The following IL5RA variants were observed in gnomAD, a reference collection of about 807,000 sequenced individuals.
The protein encoded by IL5RA is interleukin-5 receptor subunit alpha.
Under a neutral mutation model 50.0 loss-of-function variants are expected in IL5RA, and 49 were observed. The ratio of observed to expected loss-of-function variants is 0.98; its 90% CI spans 0.78 to 1.24. The LOEUF (loss-of-function observed/expected upper bound fraction) is 1.24, where lower values mean the gene tolerates loss of function less well. Among genes scored for constraint, IL5RA ranks in the 50% most tolerant of loss-of-function variants. The pLI is 0.00. For missense variants in IL5RA, 600 were observed against 500.4 expected (o/e 1.20, Z -1.90); for synonymous variants, 202 against 174.0 (o/e 1.16, Z -1.26).
At chr3:3,086,087 C>T (rs575779074) in intron 9 of IL5RA, among the ~76,000 whole-genome samples, 12 of 152,240 alleles carry the variant, frequency 7.9e-5, no homozygotes, top group African/African-American at 2.4e-4. Flanking sequence ...AAGCAAAACT[C>T]CATCGTTTCT....
intron 3 of IL5RA, among the ~76,000 whole-genome samples, chr3:3,103,604 G>A (rs1337740133): frequency 2.0e-5 from 3 of 152,070 alleles, no homozygotes; most frequent in South Asian, 2.1e-4. Flanking sequence ...GAAAGAAAAG[G>A]TTTCTTCCCC....
chr3:3,078,390 A>C (rs1420024719), intron 9 of IL5RA, among the ~76,000 whole-genome samples: 4 of 151,968 alleles, frequency 2.6e-5, no homozygotes. Context: ...TTTATCTTCT[A>C]CCTCCCGAAA....
intron 2 of IL5RA, among the ~76,000 whole-genome samples, chr3:3,107,599 C>A (rs1400716133): frequency 6.6e-6 from 1 of 151,008 alleles, no homozygotes; most frequent in East Asian, 2.0e-4. Flanking sequence ...AAATAAGATG[C>A]AAACTAAGCA....
intron 9 of IL5RA, among the ~76,000 whole-genome samples, chr3:3,091,315 G>C (rs1194682587): frequency 1.3e-5 from 2 of 152,220 alleles, no homozygotes; most frequent in African/African-American, 4.8e-5. Context: ...AGGAGAGAGA[G>C]ATGGGTGTAT....
At chr3:3,076,355 T>G (rs1035323951) in intron 10 of IL5RA, among the ~76,000 whole-genome samples, 176 bp downstream of exon 10, 2 of 152,198 alleles carry the variant, frequency 1.3e-5, no homozygotes, top group African/African-American at 4.8e-5. Flanking sequence ...AAATCACCTC[T>G]GGACATTTCC....
rs1257843499 is a variant in IL5RA, at chr3:3,066,933, G to A, written c.*3292C>T. The A allele has an allele frequency of 1.3e-5, 2 of 152,328 alleles. No individual in the cohort carries two copies. Among genetic ancestry groups the A allele is most frequent in the African/African-American group, 2.4e-5 (1 of 41,568 alleles). 9.4% of individuals were successfully genotyped at this position (152,328 alleles called of 1,614,324 possible). ...TGGAACGGATATCTTGGAAAAGCATGTTTGTTCTGATCCCGTGGCTGTGGA... is the reference window on the plus strand; with the variant it reads ...TGGAACGGATATCTTGGAAAAGCATATTTGTTCTGATCCCGTGGCTGTGGA... On this transcript the variant is annotated 3_prime_UTR_variant, in exon 12 of 12. Transcript: ENST00000446632.
At chr3:3,102,384 G>A (rs1392886623) in intron 4 of IL5RA, among the ~76,000 whole-genome samples, 2 of 152,128 alleles carry the variant, frequency 1.3e-5, no homozygotes, top group African/African-American at 4.8e-5. Context: ...AATTTTATGG[G>A]AAACAGAAAA....
chr3:3,080,884 T>C (rs918084802), intron 9 of IL5RA, among the ~76,000 whole-genome samples: 3 of 152,156 alleles, frequency 2.0e-5, no homozygotes, highest in Non-Finnish European at 4.4e-5. Context: ...TTTGTAGAGA[T>C]GGGGCCTCAG....
intron 11 of IL5RA, among the ~76,000 whole-genome samples, chr3:3,072,743 C>G (rs1390733253): frequency 1.3e-5 from 2 of 152,198 alleles, no homozygotes; most frequent in Admixed American, 6.5e-5. Flanking sequence ...GTAACCCTGT[C>G]TCTACTAAAA....
chr3:3,098,403 ATCT>A, intron 5 of IL5RA, 113 bp from the exon 6 acceptor site: 1 of 902,260 alleles, frequency 1.1e-6, no homozygotes. Context: ...AAAAATAATC[ATCT>A]TCACATTTTT....
Position 3,068,326 on chromosome 3 carries a change from C to T in IL5RA, c.*1899G>A, listed in dbSNP as rs1356713261. ...GTGGTTCATGCCTGTAATCCCAGTA[C>T]TTTGGAAGGCTGAGGCCGGTGTATC... is the stretch of plus-strand genomic sequence containing the variant. On this transcript the variant is annotated 3_prime_UTR_variant, in exon 12 of 12. Coordinates refer to ENST00000446632, the MANE Select transcript of IL5RA (RefSeq NM_175726.4). 6.6e-6 allele frequency: 1 copy of T among 152,138 alleles called. No homozygotes were observed. The highest frequency in any genetic ancestry group is 1.5e-5 in the Non-Finnish European group (1 of 68,138). The allele number at this position is 152,138 out of a possible 1,614,324, so 9.4% of individuals were successfully genotyped here.
intron 2 of IL5RA, among the ~76,000 whole-genome samples, chr3:3,105,202 T>C (rs1703850734): frequency 1.3e-5 from 2 of 152,196 alleles, no homozygotes; most frequent in Admixed American, 6.5e-5. Context: ...TATAAATTGA[T>C]AAATGTAAAC....
At chr3:3,088,766 G>C (rs547713452) in intron 9 of IL5RA, among the ~76,000 whole-genome samples, 43 of 152,270 alleles carry the variant, frequency 2.8e-4, no homozygotes, top group Middle Eastern at 3.4e-3. Flanking sequence ...CTCCAAAATT[G>C]AATACATATA....
intron 11 of IL5RA, among the ~76,000 whole-genome samples, chr3:3,073,473 C>A (rs1340174646): frequency 6.6e-6 from 1 of 152,222 alleles, no homozygotes; most frequent in Non-Finnish European, 1.5e-5. Flanking sequence ...TACTTTCACA[C>A]TACAATGGCA....
At chr3:3,107,114 T>G (rs1048001219) in intron 2 of IL5RA, among the ~76,000 whole-genome samples, 5 of 152,172 alleles carry the variant, frequency 3.3e-5, no homozygotes, top group African/African-American at 1.2e-4. Context: ...GATTATTAGT[T>G]TTTGGCCATA....
chr3:3,075,939 C>T (rs1026623841), intron 10 of IL5RA, among the ~76,000 whole-genome samples: 3 of 152,150 alleles, frequency 2.0e-5, no homozygotes, highest in African/African-American at 4.8e-5. Context: ...AGGGCCAAGA[C>T]AAAACATGTT....
intron 3 of IL5RA, 79 bp from the exon 4 acceptor site, chr3:3,102,899 A>G: frequency 3.3e-6 from 4 of 1,223,580 alleles, no homozygotes; most frequent in Non-Finnish European, 4.6e-6. Flanking sequence ...TCGAATATTT[A>G]TTGCCCTGCA....
rs112718061 is a variant in IL5RA at position 3,077,437 on chromosome 3, G to A, written c.995-810C>T. 1.4e-3 allele frequency among the ~76,000 whole-genome samples: 206 copies of A among 152,270 alleles called. 1 individual carries two copies. Among genetic ancestry groups the A allele is most frequent in the African/African-American group, 4.7e-3 (197 of 41,534 alleles). On this transcript the variant is annotated intron_variant, in intron 9 of 11. Coordinates refer to ENST00000446632, the MANE Select transcript of IL5RA (RefSeq NM_175726.4). ...TAGGAACTTCTATGATAGCTTTGGG[G>A]TGTGTAATTTTTCTTTTAAGTACTA... is the stretch of plus-strand genomic sequence containing the variant.
intron 10 of IL5RA, 56 bp downstream of exon 10, chr3:3,076,475 G>C (rs1276749215): frequency 8.9e-7 from 1 of 1,124,078 alleles, no homozygotes; most frequent in Non-Finnish European, 1.3e-6. Flanking sequence ...TGGTAAGCCT[G>C]TAAAAATGCA....
Sources: gnomAD v4.1 joint callset for allele counts (sites outside exome capture counted in the v4.1 genomes callset) on GRCh38, gnomAD v4.1.1 for gene constraint, MANE v1.5 for transcripts, NCBI Gene and HGNC (gene_info 2026-07-23, HGNC 2026-07-21) for gene names.